Variants in AKAP6 observed in about 807,000 individuals in gnomAD.
AKAP6 encodes A-kinase anchor protein 6.
AKAP6 carries 58 observed loss-of-function variants against 188.5 expected under a neutral mutation model. The observed-to-expected ratio is 0.31, with a 90% CI of 0.25 to 0.38. The LOEUF (loss-of-function observed/expected upper bound fraction) is 0.38. Among genes scored for constraint, AKAP6 ranks in the 10% least tolerant of loss-of-function variants. AKAP6 has a pLI of 1.00. For synonymous variants in AKAP6, 989 were observed against 998.6 expected (o/e 0.99, Z 0.18); for missense variants, 2,710 against 2,740.0 (o/e 0.99, Z 0.24).
chr14:32,745,203 T>C (rs2139879629), intron 11 of AKAP6, among the ~76,000 whole-genome samples: 1 of 152,280 alleles, frequency 6.6e-6, no homozygotes, highest in African/African-American at 2.4e-5. Flanking sequence ...TAGGTATTTA[T>C]TGTAATCTTT....
chr14:32,356,109 ACTT>A (rs1234210266), intron 1 of AKAP6, among the ~76,000 whole-genome samples: 2 of 152,126 alleles, frequency 1.3e-5, no homozygotes. Flanking sequence ...TACTGCTAAT[ACTT>A]CTTTGAATTG....
chr14:32,666,159 G>T (rs1245723970), intron 7 of AKAP6, among the ~76,000 whole-genome samples: 2 of 151,898 alleles, frequency 1.3e-5, no homozygotes, highest in Non-Finnish European at 2.9e-5. Flanking sequence ...AAATATTTTT[G>T]ATATTTTCTA....
At chr14:32,454,848 C>T (rs577616947) in intron 2 of AKAP6, among the ~76,000 whole-genome samples, 5 of 58,142 alleles carry the variant, frequency 8.6e-5, no homozygotes, top group East Asian at 7.6e-4. Flanking sequence ...TCCCTCCCTC[C>T]CTCCTTCCCT....
intron 2 of AKAP6, among the ~76,000 whole-genome samples, chr14:32,521,540 C>T (rs1011433472): frequency 6.6e-6 from 1 of 151,630 alleles, no homozygotes; most frequent in African/African-American, 2.4e-5. Flanking sequence ...CTATACACCA[C>T]TAACAGACAA....
chr14:32,807,553 G>C (rs184206516), intron 12 of AKAP6, among the ~76,000 whole-genome samples: 1 of 152,204 alleles, frequency 6.6e-6, no homozygotes, highest in African/African-American at 2.4e-5. Flanking sequence ...CTTCTGTTCT[G>C]AAAAAAGTCT....
intron 12 of AKAP6, among the ~76,000 whole-genome samples, chr14:32,803,626 A>T (rs1321305723): frequency 6.6e-6 from 1 of 151,780 alleles, no homozygotes; most frequent in Admixed American, 6.6e-5. Context: ...GTTTACATTG[A>T]TCTTTCCATT....
At chr14:32,698,513 C>A (rs1397003839) in intron 9 of AKAP6, among the ~76,000 whole-genome samples, 1 of 152,068 alleles carries the variant, frequency 6.6e-6, no homozygotes, top group Non-Finnish European at 1.5e-5. Flanking sequence ...TTATTAAGGG[C>A]ACCATTGACA....
chr14:32,635,589 G>C (rs1887449952), intron 7 of AKAP6, among the ~76,000 whole-genome samples: 1 of 152,006 alleles, frequency 6.6e-6, no homozygotes, highest in African/African-American at 2.4e-5. Flanking sequence ...AGCTAGATTA[G>C]ATTAATGAAT....
At chr14:32,735,309 TTC>T (rs1365650654) in intron 10 of AKAP6, among the ~76,000 whole-genome samples, 1 of 152,160 alleles carries the variant, frequency 6.6e-6, no homozygotes, top group African/African-American at 2.4e-5. Flanking sequence ...AAATGAATTT[TTC>T]TCTGTGACCA....
At chr14:32,809,360 G>A (rs2034166055) in intron 12 of AKAP6, among the ~76,000 whole-genome samples, 1 of 152,202 alleles carries the variant, frequency 6.6e-6, no homozygotes, top group Non-Finnish European at 1.5e-5. Flanking sequence ...TCTGTTGGCA[G>A]GCCTTTCAGT....
intron 8 of AKAP6, among the ~76,000 whole-genome samples, chr14:32,678,812 C>A (rs1048518071): frequency 6.6e-6 from 1 of 152,032 alleles, no homozygotes; most frequent in East Asian, 1.9e-4. Flanking sequence ...ATTTTAAAGC[C>A]TATTTAAGGA....
chr14:32,761,033 A>G (rs1159470037), intron 11 of AKAP6, among the ~76,000 whole-genome samples: 1 of 152,230 alleles, frequency 6.6e-6, no homozygotes, highest in Non-Finnish European at 1.5e-5. Flanking sequence ...ACGGAAAGGA[A>G]AGAGCTAAGA....
intron 1 of AKAP6, among the ~76,000 whole-genome samples, chr14:32,356,910 C>A (rs925783935): frequency 6.6e-6 from 1 of 152,032 alleles, no homozygotes; most frequent in Non-Finnish European, 1.5e-5. Context: ...TGATGCCTCA[C>A]ATGTAGTTGA....
intron 12 of AKAP6, among the ~76,000 whole-genome samples, chr14:32,788,191 G>A (rs1363371481): frequency 6.6e-6 from 1 of 152,076 alleles, no homozygotes; most frequent in Non-Finnish European, 1.5e-5. Flanking sequence ...AGAAAGCTGG[G>A]AATTTTCTTG....
At chr14:32,622,518 A>G (rs1886855553) in intron 7 of AKAP6, among the ~76,000 whole-genome samples, 1 of 152,260 alleles carries the variant, frequency 6.6e-6, no homozygotes, top group African/African-American at 2.4e-5. Context: ...GGGACCAGGA[A>G]GTTAAAGAAT....
At chr14:32,662,356 T>C (rs949557325) in intron 7 of AKAP6, among the ~76,000 whole-genome samples, 2 of 152,086 alleles carry the variant, frequency 1.3e-5, no homozygotes, top group African/African-American at 4.8e-5. Flanking sequence ...CATGACTTCA[T>C]TTCTCACTGT....
chr14:32,611,059 C>G (rs10782379), intron 7 of AKAP6, among the ~76,000 whole-genome samples: 35,573 of 151,896 alleles, frequency 0.23, 4,879 homozygotes, highest in South Asian at 0.34. Context: ...CAGGCCGAGG[C>G]AAAGCAGTGG....
At chr14:32,656,981 T>C (rs1387426437) in intron 7 of AKAP6, among the ~76,000 whole-genome samples, 4 of 152,176 alleles carry the variant, frequency 2.6e-5, no homozygotes, top group African/African-American at 9.6e-5. Context: ...ATCCAATATA[T>C]GGAATTTTGT....
chr14:32,725,209 A>T (rs1402346362), intron 9 of AKAP6, among the ~76,000 whole-genome samples: 1 of 152,076 alleles, frequency 6.6e-6, no homozygotes, highest in Non-Finnish European at 1.5e-5. Context: ...TGTAAAACTA[A>T]CCAGCTCTAC....
Sources: gnomAD v4.1 joint callset for allele counts (sites outside exome capture counted in the v4.1 genomes callset) on GRCh38, gnomAD v4.1.1 for gene constraint, MANE v1.5 for transcripts, NCBI Gene and HGNC (gene_info 2026-07-23, HGNC 2026-07-21) for gene names.